Variants in SEC16A observed in about 807,000 individuals in gnomAD.
SEC16A encodes protein transport protein Sec16A.
In SEC16A, 110 loss-of-function variants were observed where a neutral mutation model predicts 221.9. The observed-to-expected ratio is 0.50, with a 90% confidence interval of 0.42 to 0.58. SEC16A has a LOEUF of 0.58. Ranked by LOEUF, SEC16A falls within the 20% of genes least tolerant of loss-of-function variation. SEC16A has a pLI of 0.00. For synonymous variants in SEC16A, 1,393 were observed against 1,257.7 expected, an observed-to-expected ratio of 1.11 and a Z score of -2.28; for missense variants, 3,165 against 3,097.8, an observed-to-expected ratio of 1.02 and a Z score of -0.52.
At chr9:136,482,615 A>C (rs1293130655) in intron 1 of SEC16A, among the ~76,000 whole-genome samples, 1 of 152,270 alleles carries the variant, frequency 6.6e-6, no homozygotes, top group Non-Finnish European at 1.5e-5. Context: ...CGCTCATTTG[A>C]AAAGTTAAGA....
At chr9:136,458,130 ATTTT>A (rs1222002410) in intron 17 of SEC16A, among the ~76,000 whole-genome samples, 1 of 116,244 alleles carries the variant, frequency 8.6e-6, no homozygotes, top group Non-Finnish European at 1.8e-5. Flanking sequence ...TAATTTTTGT[ATTTT>A]TTTTTTTTTT....
At chr9:136,478,367 C>T (rs1841915717) in intron 2 of SEC16A, among the ~76,000 whole-genome samples, 1 of 148,124 alleles carries the variant, frequency 6.8e-6, no homozygotes, top group African/African-American at 2.5e-5. Flanking sequence ...AGCACCACTA[C>T]CCTTCAGCCT....
At chr9:136,444,704 C>A (rs566401240) in intron 30 of SEC16A, among the ~76,000 whole-genome samples, 1 of 152,040 alleles carries the variant, frequency 6.6e-6, no homozygotes, top group East Asian at 1.9e-4. Context: ...CATGGAGAAA[C>A]CCCGTCTCTA....
chr9:136,449,137 G>A (rs984116796), intron 23 of SEC16A, among the ~76,000 whole-genome samples: 6 of 152,244 alleles, frequency 3.9e-5, no homozygotes, highest in Admixed American at 2.6e-4. Flanking sequence ...AGTGGAAGGC[G>A]GGCTGTCCAA....
Position 136,448,077 on chromosome 9 carries a change from C to T in SEC16A, c.6390+7G>A, listed in dbSNP as rs777384378. 6 of 1,610,372 alleles carry T rather than the reference C, an allele frequency of 3.7e-6. No individual in the cohort carries two copies. In the Admixed American group the frequency reaches 1.0e-4, roughly 27 times the overall value. On this transcript the variant is annotated splice_region_variant and intron_variant, in intron 24 of 31. Coordinates refer to ENST00000684901, the MANE Select transcript of SEC16A (RefSeq NM_014866.2). Reference sequence around the variant, plus strand: ...CGGACGTCCCGTGCGTATTTGACAGCACTCACCGATTTGTTCTTGTCATCT... The same window carrying T: ...CGGACGTCCCGTGCGTATTTGACAGTACTCACCGATTTGTTCTTGTCATCT...
Position 136,455,595 on chromosome 9 carries a change from G to C in SEC16A, c.5857+6C>G, listed in dbSNP as rs748027831. 2 of 1,551,764 alleles carry C rather than the reference G, an allele frequency of 1.3e-6. No individual in the cohort carries two copies. Among genetic ancestry groups the C allele is most frequent in the South Asian group, 2.4e-5 (2 of 84,146 alleles). On this transcript the variant is annotated splice_donor_region_variant and intron_variant, in intron 20 of 31. Coordinates refer to ENST00000684901, the MANE Select transcript of SEC16A (RefSeq NM_014866.2). ...CTGAGGGCAGCAGCCGCGCACCTGG[G>C]CTCACCTGAGGGCAGCAGCCGCACG...
At chr9:136,441,876 G>T in intron 31 of SEC16A, 53 bp from the exon 32 acceptor site, 1 of 1,511,514 alleles carries the variant, frequency 6.6e-7, no homozygotes. Context: ...AGGGTGAGCA[G>T]TGCTCGGCTG....
At chr9:136,449,690 A>G (rs113516906) in intron 23 of SEC16A, among the ~76,000 whole-genome samples, 3,433 of 152,190 alleles carry the variant, frequency 0.023, 168 homozygotes, top group African/African-American at 0.077. Context: ...GCTACTACAC[A>G]CCCTCAATTC....
rs1032414491 is a variant in SEC16A, at chr9:136,459,363, T to C, written c.5303+81A>G. ...ACAAATAAAGACATGATTCTGGCCA[T>C]TTCTGAATTCACTAAAGGAGAAGGA... is the stretch of plus-strand genomic sequence containing the variant. On this transcript the variant is annotated intron_variant, in intron 16 of 31. Coordinates refer to ENST00000684901, the MANE Select transcript of SEC16A (RefSeq NM_014866.2). The surrounding 1 kb of genome is among the most constrained non-coding windows in gnomAD (Gnocchi z 6.1). The C allele has an allele frequency of 1.3e-5, 19 of 1,411,504 alleles. No homozygotes were observed. The African/African-American group carries it at 2.4e-4, about 18-fold the overall frequency. 87.4% of individuals were successfully genotyped at this position (1,411,504 alleles called of 1,614,324 possible). A position where few individuals can be genotyped will look rare whatever the true frequency, so the allele number is the denominator to read the frequency against.
chr9:136,451,056 A>G (rs1421367555), intron 23 of SEC16A, among the ~76,000 whole-genome samples, 200 bp downstream of exon 23: 1 of 152,106 alleles, frequency 6.6e-6, no homozygotes, highest in Non-Finnish European at 1.5e-5. Flanking sequence ...CCCCATGCTG[A>G]CCTGGGTGGG....
In SEC16A at chr9:136,447,462, G is replaced by T; in HGVS notation, c.6560-98C>A. The T allele has an allele frequency of 6.4e-7, 1 of 1,559,082 alleles. No homozygotes were observed. Among genetic ancestry groups the T allele is most frequent in the Non-Finnish European group, 8.7e-7 (1 of 1,144,884 alleles). On this transcript the variant is annotated intron_variant, in intron 26 of 31. Coordinates refer to ENST00000684901, the MANE Select transcript of SEC16A (RefSeq NM_014866.2). The surrounding 1 kb of genome is among the most constrained non-coding windows in gnomAD (Gnocchi z 5.5). ...CTGCGTCAGAGGAAAAGCACGCAGG[G>T]ACGTGCGGGAAGCCACCTCCTCCCC...
rs1478784579 is a variant in SEC16A at position 136,445,117 on chromosome 9, A to G, written c.6868-6T>C. On this transcript the variant is annotated splice_region_variant and splice_polypyrimidine_tract_variant and intron_variant, in intron 29 of 31. Transcript: ENST00000684901. ...ATTGAACTACAGCGCGAAAGCTACA[A>G]AACAGCAAGAACACACATAAAACAC... 1 of 1,601,810 alleles carries G rather than the reference A, an allele frequency of 6.2e-7. No homozygotes were observed. The highest frequency in any genetic ancestry group is 1.1e-5 in the South Asian group (1 of 88,620).
At position 136,475,396 on chromosome 9, in the gene SEC16A, CAGA is replaced by C. The variant is rs1420719149; in HGVS notation, c.2217_2219del (p.Leu740del). On this transcript the variant is annotated inframe_deletion, in exon 3 of 32. Transcript: ENST00000684901. The surrounding 1 kb of genome is among the most constrained non-coding windows in gnomAD (Gnocchi z 5.0). The stretch of plus-strand genomic sequence containing the variant: ...CATAAAGCGCCGGGGCTGCAGGGGC[CAGA>C]AGGACGTTGCCTCCAAAATCTGGCA... 1.9e-6 allele frequency: 3 copies of C among 1,610,440 alleles called. No individual in the cohort carries two copies. Among genetic ancestry groups the C allele is most frequent in the Non-Finnish European group, 2.5e-6 (3 of 1,177,616 alleles).
Position 136,441,657 on chromosome 9 carries a change from C to A in SEC16A, c.*98G>T, listed in dbSNP as rs1040683767. On this transcript the variant is annotated 3_prime_UTR_variant, in exon 32 of 32. Coordinates refer to ENST00000684901, the MANE Select transcript of SEC16A (RefSeq NM_014866.2). Reference sequence around the variant, plus strand: ...GACCAGCTCTGAGTCACTGCTGTGTCTCCCTGGGGGCGGGACGGAGATCGC... The same window carrying A: ...GACCAGCTCTGAGTCACTGCTGTGTATCCCTGGGGGCGGGACGGAGATCGC... The A allele has an allele frequency of 2.9e-6, 3 of 1,028,526 alleles. No homozygotes were observed. Among genetic ancestry groups the A allele is most frequent in the African/African-American group, 1.6e-5 (1 of 63,692 alleles). The allele number at this position is 1,028,526 out of a possible 1,614,324, so 63.7% of individuals were successfully genotyped here.
In SEC16A at chr9:136,476,036, C is replaced by T. The variant is rs1451618059; in HGVS notation, c.1580G>A (p.Ser527Asn). The part of the protein sequence containing the change: ...HPDSVSSSYS[S>N]RSHGRLSGSA... The stretch of plus-strand genomic sequence containing the variant: ...GCCTGAGAGCCTTCCGTGGCTTCTG[C>T]TGCTATAGCTGGATGACACGCTGTC... Residue 527 changes from serine (S) to asparagine (N), a missense_variant, in exon 3 of 32, where the codon AGC becomes AAC. Physicochemically the swap from Ser to Asn is conservative, Grantham distance 46 (BLOSUM62 1). Coordinates refer to ENST00000684901, the MANE Select transcript of SEC16A (RefSeq NM_014866.2). 3 of 1,613,438 alleles carry T rather than the reference C, an allele frequency of 1.9e-6. No homozygotes were observed. The highest frequency in any genetic ancestry group is 2.7e-5 in the African/African-American group (2 of 74,924).
chr9:136,464,593 A>G (rs1446151775), intron 8 of SEC16A, 31 bp from the exon 9 acceptor site: 3 of 1,575,252 alleles, frequency 1.9e-6, no homozygotes, highest in African/African-American at 1.3e-5. Flanking sequence ...AAAAGAAACA[A>G]TCAGCTTGTC....
chr9:136,453,447 T>A lies in SEC16A; in HGVS notation c.6140A>T (p.Asp2047Val), dbSNP rs200814626. ...AAGTACCAGATTAGCAAATTTTCCA[T>A]CAAAATTTTCTTCGCTTAGCTCGGA... is the stretch of plus-strand genomic sequence containing the variant. ...SLSELSEENF[D>V]GKFANLTPSR... Residue 2047 changes from aspartate (D) to valine (V), a missense_variant, in exon 22 of 32, where the codon GAT (aspartate) becomes GTT (valine). Around this residue, in one of 3 missense-constraint regions of SEC16A, gnomAD observed 1,088 missense variants for 1,089.6 expected, o/e 1.00. Coordinates refer to ENST00000684901, the MANE Select transcript of SEC16A (RefSeq NM_014866.2). The A allele has an allele frequency of 2.7e-4, 436 of 1,613,110 alleles. 3 individuals are homozygous for A. In the Middle Eastern group the frequency reaches 3.6e-3, roughly 13 times the overall value.
At chr9:136,483,210 T>TC (rs1191667970), upstream of SEC16A, among the ~76,000 whole-genome samples, 1 of 29,414 alleles carries the variant, frequency 3.4e-5, no homozygotes, top group Non-Finnish European at 6.6e-5. Flanking sequence ...CCTCCCCGCC[T>TC]CATCCCTCTG....
chr9:136,466,021 C>T lies in SEC16A; in HGVS notation c.4244G>A (p.Gly1415Asp), dbSNP rs781571637. The change falls in exon 8 of 32, where the codon GGC (glycine) becomes GAC (aspartate). Residue 1415 changes from glycine (G) to aspartate (D), a missense_variant. Coordinates refer to ENST00000684901, the MANE Select transcript of SEC16A (RefSeq NM_014866.2). This position sits in a 1 kb window ranked among gnomAD's most constrained non-coding sequence, Gnocchi z 5.5. ...GTAGCCATACTCTGGGAAGCCGGGG[C>T]CACTGCTGAAATTGCTGCGGTAGGT... ...YGTYRSNFSS[G>D]PGFPEYGYPA... 3 of 1,613,572 alleles carry T rather than the reference C, an allele frequency of 1.9e-6. No individual in the cohort carries two copies. The highest frequency in any genetic ancestry group is 2.5e-6 in the Non-Finnish European group (3 of 1,179,832).
Sources: gnomAD v4.1 joint callset for allele counts (sites outside exome capture counted in the v4.1 genomes callset) on GRCh38, gnomAD v4.1.1 for gene constraint, gnomAD v4.1.1 regional missense constraint, Gnocchi (gnomAD v3.1) non-coding constraint, MANE v1.5 for transcripts, NCBI Gene and HGNC (gene_info 2026-07-23, HGNC 2026-07-21) for gene names.